The following CNBD1 variants were observed in gnomAD, a reference collection of about 807,000 sequenced individuals.
The protein encoded by CNBD1 is cyclic nucleotide binding domain containing 1.
Under a neutral mutation model 54.4 loss-of-function variants are expected in CNBD1, and 71 were observed. That is an observed-to-expected ratio of 1.30 (90% confidence interval 1.08 to 1.59). The LOEUF is 1.59. Ranked by LOEUF, CNBD1 falls within the 40% of genes most tolerant of loss-of-function variation. CNBD1 has a pLI of 0.00. For missense variants in CNBD1, 659 were observed against 518.0 expected, an observed-to-expected ratio of 1.27 and a Z score of -2.64; for synonymous variants, 182 against 170.7, an observed-to-expected ratio of 1.07 and a Z score of -0.51.
chr8:87,106,158 T>C (rs1028414796), intron 4 of CNBD1, among the ~76,000 whole-genome samples: 33 of 130,022 alleles, frequency 2.5e-4, no homozygotes, highest in African/African-American at 8.6e-4. Flanking sequence ...TTCTTTTTTC[T>C]TCCTTTCCAT....
At chr8:86,897,329 A>G (rs1020575888) in intron 2 of CNBD1, among the ~76,000 whole-genome samples, 1 of 152,204 alleles carries the variant, frequency 6.6e-6, no homozygotes, top group African/African-American at 2.4e-5. Flanking sequence ...CTAGTTACCA[A>G]AGAGTTAAAA....
chr8:87,264,499 T>C (rs1586374864), intron 6 of CNBD1, among the ~76,000 whole-genome samples: 2 of 152,302 alleles, frequency 1.3e-5, no homozygotes, highest in African/African-American at 4.8e-5. Flanking sequence ...TTTATAATCC[T>C]TTGGGTATAT....
intron 2 of CNBD1, among the ~76,000 whole-genome samples, chr8:87,399,381 T>TC (rs1194686436): frequency 6.6e-6 from 1 of 151,980 alleles, no homozygotes; most frequent in Admixed American, 6.6e-5. Context: ...TTCTCTGTTC[T>TC]CCCCAACACC....
chr8:87,305,974 C>G (rs891130615), intron 8 of CNBD1, among the ~76,000 whole-genome samples: 1 of 152,148 alleles, frequency 6.6e-6, no homozygotes, highest in African/African-American at 2.4e-5. Flanking sequence ...AGACAACCCA[C>G]AGAGTGGGAG....
intron 4 of CNBD1, among the ~76,000 whole-genome samples, chr8:86,954,566 A>C (rs1036615914): frequency 1.3e-5 from 1 of 74,652 alleles, no homozygotes; most frequent in Non-Finnish European, 2.5e-5. Flanking sequence ...GAACGAGATG[A>C]AAATTTACAT....
intron 4 of CNBD1, among the ~76,000 whole-genome samples, chr8:87,041,234 G>A (rs529319067): frequency 6.6e-6 from 1 of 152,202 alleles, no homozygotes; most frequent in South Asian, 2.1e-4. Flanking sequence ...GGGTAGGGGA[G>A]ACATGTTTAG....
chr8:87,059,594 G>T (rs1329264573), intron 4 of CNBD1, among the ~76,000 whole-genome samples: 1 of 152,202 alleles, frequency 6.6e-6, no homozygotes, highest in Non-Finnish European at 1.5e-5. Flanking sequence ...AAGGAGAAGT[G>T]CAGAGTGAAG....
chr8:87,024,191 A>G (rs1809567751), intron 4 of CNBD1, among the ~76,000 whole-genome samples: 1 of 146,042 alleles, frequency 6.8e-6, no homozygotes, highest in Non-Finnish European at 1.5e-5. Context: ...GTGAGCCGAG[A>G]TCACACCACT....
intron 2 of CNBD1, among the ~76,000 whole-genome samples, chr8:87,394,624 G>A (rs1456168892): frequency 6.6e-6 from 1 of 151,810 alleles, no homozygotes; most frequent in South Asian, 2.1e-4. Flanking sequence ...CTTCTTCATA[G>A]ATGCGTGTTT....
intron 8 of CNBD1, among the ~76,000 whole-genome samples, chr8:87,313,726 G>A (rs561255673): frequency 6.6e-6 from 1 of 151,462 alleles, no homozygotes; most frequent in African/African-American, 2.4e-5. Flanking sequence ...GAAATATGCA[G>A]CCTTTTACAA....
At chr8:86,970,061 T>A (rs1008043877) in intron 4 of CNBD1, among the ~76,000 whole-genome samples, 7 of 152,124 alleles carry the variant, frequency 4.6e-5, no homozygotes, top group South Asian at 2.1e-4. Context: ...ATGTTTTTGC[T>A]GAATATAGAA....
chr8:87,255,387 G>T (rs1264563798), intron 6 of CNBD1, among the ~76,000 whole-genome samples: 1 of 152,108 alleles, frequency 6.6e-6, no homozygotes, highest in East Asian at 1.9e-4. Context: ...CTGATAAAAT[G>T]ATACCTGTGC....
intron 6 of CNBD1, among the ~76,000 whole-genome samples, chr8:87,270,189 G>T (rs945179718): frequency 6.6e-6 from 1 of 151,914 alleles, no homozygotes; most frequent in Non-Finnish European, 1.5e-5. Context: ...TGCAGAGAAA[G>T]CTTTTGATAA....
intron 4 of CNBD1, among the ~76,000 whole-genome samples, chr8:87,111,998 T>G (rs759164124): frequency 5.3e-5 from 8 of 152,186 alleles, no homozygotes; most frequent in Non-Finnish European, 8.8e-5. Flanking sequence ...GGTACCTCCG[T>G]CACCAAGACC....
intron 4 of CNBD1, among the ~76,000 whole-genome samples, chr8:87,183,385 GTTTTTT>G (rs3056356): frequency 2.1e-4 from 25 of 118,424 alleles, no homozygotes; most frequent in African/African-American, 6.6e-4. Context: ...TGCGCTGTTT[GTTTTTT>G]TTTTTTTTTT....
At chr8:87,051,157 A>G (rs2130623727) in intron 4 of CNBD1, among the ~76,000 whole-genome samples, 1 of 152,336 alleles carries the variant, frequency 6.6e-6, no homozygotes, top group East Asian at 1.9e-4. Context: ...GGTTCCTCCA[A>G]CTACAGCTGA....
rs547496608 is a variant in CNBD1 at position 87,173,914 on chromosome 8, A to G, written c.432-32079A>G. Among the ~76,000 whole-genome samples, 5 of 151,476 alleles carry G rather than the reference A, an allele frequency of 3.3e-5. No individual in the cohort carries two copies. The South Asian group carries it at 1.0e-3, about 32-fold the overall frequency. On this transcript the variant is annotated intron_variant, in intron 4 of 10. Transcript: ENST00000518476. ...CTCTTAGATTTGCTCTTTTGATTCT[A>G]TCTTATAAATCTTGTAGGCATGCTT...
At chr8:87,334,156 A>G (rs971075897) in intron 8 of CNBD1, among the ~76,000 whole-genome samples, 1 of 152,022 alleles carries the variant, frequency 6.6e-6, no homozygotes, top group African/African-American at 2.4e-5. Context: ...TAGATTTTCT[A>G]GTTTGTTTGC....
At chr8:86,978,731 T>C (rs540642176) in intron 4 of CNBD1, among the ~76,000 whole-genome samples, 87 of 151,898 alleles carry the variant, frequency 5.7e-4, no homozygotes, top group South Asian at 5.4e-3. Flanking sequence ...TTAGTAGAGA[T>C]GGGGTTTCTC....
Sources: allele counts gnomAD v4.1 joint callset (sites outside exome capture counted in the v4.1 genomes callset), GRCh38; gene constraint gnomAD v4.1.1; transcripts MANE v1.5; gene names NCBI Gene and HGNC (gene_info 2026-07-23, HGNC 2026-07-21).